Variants in OTOS observed in about 807,000 individuals in gnomAD.
OTOS encodes the protein otospiralin.
A neutral mutation model predicts 12.5 loss-of-function variants in OTOS; 14 were observed. That is an observed-to-expected ratio of 1.12 (90% CI 0.74 to 1.76). The LOEUF (loss-of-function observed/expected upper bound fraction) is 1.76, where lower values mean the gene tolerates loss of function less well. OTOS is among the 40% of genes most tolerant of loss of function. The probability of loss-of-function intolerance (pLI) is 0.00; values close to 1 mark genes in which losing one functional copy is unlikely to be tolerated. For missense variants in OTOS, 141 were observed against 112.8 expected, an observed-to-expected ratio of 1.25 and a Z score of -1.13; for synonymous variants, 49 against 47.6, an observed-to-expected ratio of 1.03 and a Z score of -0.12.
rs558056305 is a variant in OTOS at position 240,140,207 on chromosome 2, G to A, written c.58+62C>T. The A allele has an allele frequency of 3.2e-5, 50 of 1,585,202 alleles. No individual in the cohort carries two copies. The South Asian group carries it at 5.2e-4, about 17-fold the overall frequency. ...GCAGCCTGGGGATGCATGCGGGAGG[G>A]GAGAGAACAGGAGGGCTGTCGGGGG... On this transcript the variant is annotated intron_variant, in intron 2 of 3. Coordinates refer to ENST00000319460, the MANE Select transcript of OTOS (RefSeq NM_148961.4).
chr2:240,140,100 G>A lies in OTOS; in HGVS notation c.59-12C>T. 1 of 1,613,348 alleles carries A rather than the reference G, an allele frequency of 6.2e-7. No homozygotes were observed. Among genetic ancestry groups the A allele is most frequent in the Non-Finnish European group, 8.5e-7 (1 of 1,179,678 alleles). ...CACAGGCTTGGCCCCTGCAAAGGAA[G>A]AGAAGAGCTGTCACCCAGGAGGACC... On this transcript the variant is annotated splice_polypyrimidine_tract_variant and intron_variant, in intron 2 of 3. Coordinates refer to ENST00000319460, the MANE Select transcript of OTOS (RefSeq NM_148961.4).
intron 2 of OTOS, 76 bp downstream of exon 2, chr2:240,140,193 A>T: frequency 6.3e-7 from 1 of 1,590,288 alleles, no homozygotes; most frequent in East Asian, 2.3e-5. Flanking sequence ...CAGCCTGGGG[A>T]TGCATGCGGG....
At chr2:240,139,478 A>G (rs1362196510) in intron 3 of OTOS, 124 bp from the exon 4 acceptor site, 1 of 985,998 alleles carries the variant, frequency 1.0e-6, no homozygotes, top group East Asian at 2.6e-5. Flanking sequence ...CAACCTTCCC[A>G]GAGTGGGGGC....
Position 240,140,461 on chromosome 2 carries a change from G to T in OTOS, c.-118-17C>A. On this transcript the variant is annotated splice_polypyrimidine_tract_variant and intron_variant, in intron 1 of 3. Coordinates refer to ENST00000319460, the MANE Select transcript of OTOS (RefSeq NM_148961.4). Reference sequence around the variant, plus strand: ...TGGGCAGCCCTGGGGAAAATGGCATGGATTTAAAAAAAAAATTCTTACTGT... The same window carrying T: ...TGGGCAGCCCTGGGGAAAATGGCATTGATTTAAAAAAAAAATTCTTACTGT... 1 of 852,354 alleles carries T rather than the reference G, an allele frequency of 1.2e-6. No individual in the cohort carries two copies. The highest frequency in any genetic ancestry group is 1.7e-6 in the Non-Finnish European group (1 of 583,290). The allele number at this position is 852,354 out of a possible 1,614,324, so 52.8% of individuals were successfully genotyped here.
At chr2:240,140,579 T>C in intron 1 of OTOS, 41 bp downstream of exon 1, 1 of 514,364 alleles carries the variant, frequency 1.9e-6, no homozygotes. Flanking sequence ...ACTTAAGAAA[T>C]TGCACCCCCC....
In OTOS at chr2:240,140,150, C is replaced by G; in HGVS notation, c.59-62G>C. The stretch of plus-strand genomic sequence containing the variant: ...CACCCAGGTGCCGGTTGGGCCCACC[C>G]GACACCAGCTGCAGGGCTCTAAGGT... On this transcript the variant is annotated intron_variant, in intron 2 of 3. Coordinates refer to ENST00000319460, the MANE Select transcript of OTOS (RefSeq NM_148961.4). The G allele has an allele frequency of 3.1e-6, 5 of 1,606,562 alleles. No homozygotes were observed. In the South Asian group the frequency reaches 3.3e-5, roughly 11 times the overall value.
intron 3 of OTOS, 70 bp downstream of exon 3, chr2:240,139,992 C>T (rs1383578934): frequency 6.4e-7 from 1 of 1,554,470 alleles, no homozygotes; most frequent in African/African-American, 1.4e-5. Flanking sequence ...TGCTGCTCTC[C>T]CCAGCAGTTT....
In OTOS at chr2:240,139,171, C is replaced by T; in HGVS notation, c.269G>A (p.Ter90=). The stretch of plus-strand genomic sequence containing the variant: ...GGCGGGCACCAGGCTGGACACCATT[C>T]AGTCCTCCTGATAGGGAACGTGGAA... ...LGFHVPYQED[*] is the part of the protein sequence containing the mutation. The change falls in exon 4 of 4, where the codon TGA becomes TAA. Residue 90 remains the stop codon, a stop_retained_variant. Coordinates refer to ENST00000319460, the MANE Select transcript of OTOS (RefSeq NM_148961.4). 1 of 1,612,640 alleles carries T rather than the reference C, an allele frequency of 6.2e-7. No homozygotes were observed.
In OTOS at chr2:240,140,151, G is replaced by T. The variant is rs543198066; in HGVS notation, c.59-63C>A. The T allele has an allele frequency of 6.9e-4, 1,108 of 1,605,988 alleles. 7 individuals carry two copies. Among genetic ancestry groups the T allele is most frequent in the Middle Eastern group, 6.4e-3 (36 of 5,648 alleles). On this transcript the variant is annotated intron_variant, in intron 2 of 3. Transcript: ENST00000319460. ...ACCCAGGTGCCGGTTGGGCCCACCC[G>T]ACACCAGCTGCAGGGCTCTAAGGTT...
chr2:240,139,472 C>G, intron 3 of OTOS, 118 bp from the exon 4 acceptor site: 1 of 1,070,662 alleles, frequency 9.3e-7, no homozygotes, highest in Non-Finnish European at 1.3e-6. Context: ...GTGATACAAC[C>G]TTCCCAGAGT....
At position 240,139,251 on chromosome 2, in the gene OTOS, G is replaced by C; in HGVS notation, c.189C>G (p.Ile63Met). The C allele has an allele frequency of 2.5e-6, 4 of 1,614,194 alleles. No homozygotes were observed. The highest frequency in any genetic ancestry group is 3.4e-6 in the Non-Finnish European group (4 of 1,180,028). Residue 63 changes from isoleucine (I) to methionine (M), a missense_variant, in exon 4 of 4, where the codon ATC (isoleucine) becomes ATG (methionine). Transcript: ENST00000319460. ...CAAAGAAGGTTCGGGCCATGTCCTC[G>C]ATCTGGGGGTAGGCCCCCAGGGCCT... ...HFQALGAYPQ[I>M]EDMARTFFAH...
intron 3 of OTOS, among the ~76,000 whole-genome samples, chr2:240,139,772 A>G (rs1216744953): frequency 1.3e-5 from 2 of 152,164 alleles, no homozygotes; most frequent in South Asian, 2.1e-4. Context: ...GCTGGAACCC[A>G]GGTCTGATAG....
Position 240,139,097 on chromosome 2 carries a change from G to A in OTOS, c.*73C>T, listed in dbSNP as rs1169627102. On this transcript the variant is annotated 3_prime_UTR_variant, in exon 4 of 4. Transcript: ENST00000319460. Reference sequence around the variant, plus strand: ...ACTCCTGCAGGGGCCAGGTTTTTGCGGGGACTCCATGCCTGTGGAGGCCCG... The same window carrying A: ...ACTCCTGCAGGGGCCAGGTTTTTGCAGGGACTCCATGCCTGTGGAGGCCCG... 1.5e-5 allele frequency: 23 copies of A among 1,504,842 alleles called. No homozygotes were observed. Among genetic ancestry groups the A allele is most frequent in the Admixed American group, 7.8e-5 (4 of 51,484 alleles). 93.2% of individuals were successfully genotyped at this position (1,504,842 alleles called of 1,614,324 possible). A position where few individuals can be genotyped will look rare whatever the true frequency, so the allele number is the denominator to read the frequency against.
Position 240,140,080 on chromosome 2 carries a change from G to T in OTOS, c.67C>A (p.Pro23Thr), listed in dbSNP as rs761167002. The change falls in exon 3 of 4, where the codon CCT becomes ACT. Residue 23 changes from proline to threonine, a missense_variant. Pro to Thr is a conservative substitution (Grantham distance 38). Coordinates refer to ENST00000319460, the MANE Select transcript of OTOS (RefSeq NM_148961.4). ...ACGGTACCTCCTTCCTCCTGCACAG[G>T]CTTGGCCCCTGCAAAGGAAGAGAAG... ...LLLGPLAGAK[P>T]VQEEGDPYAE... 1.2e-6 allele frequency: 2 copies of T among 1,613,516 alleles called. No homozygotes were observed. Among genetic ancestry groups the T allele is most frequent in the African/African-American group, 1.3e-5 (1 of 75,006 alleles).
chr2:240,140,190 G>GGGAT, intron 2 of OTOS, 79 bp downstream of exon 2: 2 of 1,592,674 alleles, frequency 1.3e-6, no homozygotes. Context: ...TAGCAGCCTG[G>GGGAT]GGATGCATGC....
intron 2 of OTOS, 24 bp downstream of exon 2, chr2:240,140,245 C>A: frequency 6.3e-7 from 1 of 1,583,138 alleles, no homozygotes; most frequent in Non-Finnish European, 8.6e-7. Context: ...CTGGTGGCTG[C>A]CTCCCTCCAG....
In OTOS at chr2:240,140,253, C is replaced by T; in HGVS notation, c.58+16G>A. The T allele has an allele frequency of 6.3e-7, 1 of 1,587,918 alleles. No individual in the cohort carries two copies. The highest frequency in any genetic ancestry group is 1.3e-5 in the African/African-American group (1 of 74,504). The stretch of plus-strand genomic sequence containing the variant: ...GGGGGTCCTGGTGGCTGCCTCCCTC[C>T]AGAGCGGCCCCTCACCTGCAAGAGG... On this transcript the variant is annotated intron_variant, in intron 2 of 3. Coordinates refer to ENST00000319460, the MANE Select transcript of OTOS (RefSeq NM_148961.4).
chr2:240,139,280 A>G lies in OTOS; in HGVS notation c.160T>C (p.Phe54Leu), dbSNP rs1172390411. 6.2e-7 allele frequency: 1 copy of G among 1,614,142 alleles called. No homozygotes were observed. The highest frequency in any genetic ancestry group is 2.2e-5 in the East Asian group (1 of 44,860). The change falls in exon 4 of 4, where the codon TTC (phenylalanine) becomes CTC (leucine). Residue 54 changes from phenylalanine to leucine, a missense_variant. Coordinates refer to ENST00000319460, the MANE Select transcript of OTOS (RefSeq NM_148961.4). Reference sequence around the variant, plus strand: ...TGGGGGTAGGCCCCCAGGGCCTGGAAGTGCTGCACATAGTTCCAGAAGTCA... The same window carrying G: ...TGGGGGTAGGCCCCCAGGGCCTGGAGGTGCTGCACATAGTTCCAGAAGTCA... ...TSDFWNYVQH[F>L]QALGAYPQIE...
At chr2:240,140,589 C>A (rs144973073) in intron 1 of OTOS, 31 bp downstream of exon 1, 3 of 509,176 alleles carry the variant, frequency 5.9e-6, no homozygotes, top group Non-Finnish European at 1.0e-5. Flanking sequence ...TTGCACCCCC[C>A]TCCACTCTGC....
Sources: gnomAD v4.1 joint callset for allele counts (sites outside exome capture counted in the v4.1 genomes callset) on GRCh38, gnomAD v4.1.1 for gene constraint, MANE v1.5 for transcripts, NCBI Gene and HGNC (gene_info 2026-07-23, HGNC 2026-07-21) for gene names.